The following COMMD10 variants were observed in gnomAD, a reference collection of about 807,000 sequenced individuals.
COMMD10 encodes COMM domain containing 10, also known as COMM domain-containing protein 10.
A neutral mutation model predicts 28.9 loss-of-function variants in COMMD10; 33 were observed. That is an observed-to-expected ratio of 1.14 (90% CI 0.87 to 1.53). The LOEUF (loss-of-function observed/expected upper bound fraction) is 1.53. COMMD10 is among the 40% of genes most tolerant of loss of function. COMMD10 has a pLI of 0.00. For synonymous variants in COMMD10, 110 were observed against 81.7 expected (o/e 1.35, Z -1.87); for missense variants, 310 against 233.4 (o/e 1.33, Z -2.14).
chr5:116,281,516 A>C (rs1751068782), intron 5 of COMMD10, among the ~76,000 whole-genome samples: 1 of 151,756 alleles, frequency 6.6e-6, no homozygotes. Context: ...AGGTGCAGAA[A>C]GTCCAAGTTT....
chr5:116,228,665 T>C (rs1223616893), intron 5 of COMMD10, among the ~76,000 whole-genome samples: 1 of 151,982 alleles, frequency 6.6e-6, no homozygotes, highest in Non-Finnish European at 1.5e-5. Flanking sequence ...ATTGTGTTTT[T>C]TCATGAATAT....
intron 5 of COMMD10, among the ~76,000 whole-genome samples, chr5:116,270,526 A>C (rs1750726751): frequency 6.6e-6 from 1 of 151,918 alleles, no homozygotes; most frequent in African/African-American, 2.4e-5. Context: ...AAGGAATGTT[A>C]GCAAATTCAG....
chr5:116,256,296 G>T (rs926194482), intron 5 of COMMD10, among the ~76,000 whole-genome samples: 2 of 151,662 alleles, frequency 1.3e-5, no homozygotes, highest in Non-Finnish European at 2.9e-5. Flanking sequence ...TCGAACTTCT[G>T]TTCCTTTTGG....
At chr5:116,156,437 T>C (rs112972229) in intron 5 of COMMD10, among the ~76,000 whole-genome samples, 8 of 152,310 alleles carry the variant, frequency 5.3e-5, no homozygotes, top group African/African-American at 1.7e-4. Context: ...GTTTCATTCA[T>C]TGATATCTTC....
intron 5 of COMMD10, among the ~76,000 whole-genome samples, chr5:116,169,761 A>G (rs1010901015): frequency 6.6e-6 from 1 of 152,354 alleles, no homozygotes; most frequent in African/African-American, 2.4e-5. Flanking sequence ...CAATAGATGT[A>G]GAAAAGGCCT....
intron 5 of COMMD10, among the ~76,000 whole-genome samples, 185 bp from the exon 6 acceptor site, chr5:116,291,332 T>A (rs1019057239): frequency 6.6e-6 from 1 of 152,178 alleles, no homozygotes; most frequent in African/African-American, 2.4e-5. Context: ...TTGAAACCTT[T>A]TGCTAGAGTG....
At chr5:116,196,588 A>G (rs758392364) in intron 5 of COMMD10, among the ~76,000 whole-genome samples, 2 of 151,922 alleles carry the variant, frequency 1.3e-5, no homozygotes, top group Non-Finnish European at 2.9e-5. Context: ...ACATGATATT[A>G]AAGAGTCAGG....
intron 5 of COMMD10, among the ~76,000 whole-genome samples, chr5:116,183,760 A>T (rs1360485835): frequency 6.6e-6 from 1 of 152,092 alleles, no homozygotes; most frequent in Non-Finnish European, 1.5e-5. Context: ...GGTTACCTGG[A>T]TAGCTGATAA....
chr5:116,202,512 A>G (rs1165784640), intron 5 of COMMD10, among the ~76,000 whole-genome samples: 1 of 150,726 alleles, frequency 6.6e-6, no homozygotes, highest in Non-Finnish European at 1.5e-5. Context: ...ACAGTGTAAA[A>G]GTGTTCCTAT....
intron 4 of COMMD10, among the ~76,000 whole-genome samples, chr5:116,099,768 G>A (rs1346206512): frequency 1.3e-5 from 2 of 152,058 alleles, no homozygotes; most frequent in Non-Finnish European, 1.5e-5. Flanking sequence ...TGTCTGTTCA[G>A]TTCCTTTGTC....
chr5:116,184,227 T>G (rs1403920138), intron 5 of COMMD10, among the ~76,000 whole-genome samples: 1 of 151,996 alleles, frequency 6.6e-6, no homozygotes, highest in African/African-American at 2.4e-5. Flanking sequence ...TCTCTTTTTT[T>G]TTTTAATCCA....
At chr5:116,123,156 A>T (rs1751501370) in intron 4 of COMMD10, among the ~76,000 whole-genome samples, 1 of 152,148 alleles carries the variant, frequency 6.6e-6, no homozygotes, top group African/African-American at 2.4e-5. Flanking sequence ...ATCAATACTT[A>T]GTTTATTGGA....
intron 5 of COMMD10, among the ~76,000 whole-genome samples, chr5:116,280,562 AT>A (rs1751043386): frequency 6.6e-6 from 1 of 151,810 alleles, no homozygotes; most frequent in Non-Finnish European, 1.5e-5. Flanking sequence ...GCCATGGTAC[AT>A]TCATCTTTGT....
rs757743982 is a variant in COMMD10 at position 116,104,647 on chromosome 5, TCTCA to T, written c.399+11951_399+11954del. Among the ~76,000 whole-genome samples the T allele has an allele frequency of 9.7e-4, 146 of 150,966 alleles. 1 individual carries two copies. The highest frequency in any genetic ancestry group is 1.8e-3 in the Non-Finnish European group (125 of 67,770). On this transcript the variant is annotated intron_variant, in intron 4 of 6. Transcript: ENST00000274458. ...TTTTCTTTTTTTTTTTGAGACGGAG[TCTCA>T]CTCTGTCACCCAGGCTGGAGTGCAG...
intron 5 of COMMD10, among the ~76,000 whole-genome samples, chr5:116,210,049 T>C (rs1037580395): frequency 2.0e-5 from 3 of 151,856 alleles, no homozygotes; most frequent in African/African-American, 7.3e-5. Flanking sequence ...TGAAGAGGAG[T>C]TGTGCTTAGA....
At chr5:116,206,351 A>C (rs1361668513) in intron 5 of COMMD10, among the ~76,000 whole-genome samples, 2 of 152,146 alleles carry the variant, frequency 1.3e-5, no homozygotes, top group Admixed American at 6.5e-5. Context: ...CTGGAAAAGC[A>C]TAGACATTGG....
chr5:116,175,264 T>TA (rs143942169), intron 5 of COMMD10, among the ~76,000 whole-genome samples: 81 of 151,622 alleles, frequency 5.3e-4, no homozygotes, highest in Middle Eastern at 3.4e-3. Context: ...GCAGTGGCTT[T>TA]AAAAAAAAAT....
At chr5:116,167,683 C>T (rs548668907) in intron 5 of COMMD10, among the ~76,000 whole-genome samples, 407 of 152,254 alleles carry the variant, frequency 2.7e-3, no homozygotes, top group Non-Finnish European at 4.5e-3. Context: ...ATATTCAACA[C>T]TCTTAAAGAA....
At chr5:116,212,432 G>C (rs1748989627) in intron 5 of COMMD10, among the ~76,000 whole-genome samples, 1 of 150,388 alleles carries the variant, frequency 6.6e-6, no homozygotes, top group South Asian at 2.1e-4. Context: ...GCTTTTTGCA[G>C]AGCAGGCCTG....
Sources: allele counts gnomAD v4.1 joint callset (sites outside exome capture counted in the v4.1 genomes callset), GRCh38; gene constraint gnomAD v4.1.1; transcripts MANE v1.5; gene names NCBI Gene and HGNC (gene_info 2026-07-23, HGNC 2026-07-21).